Variants in FAT4 observed in about 807,000 individuals in gnomAD.
FAT4 encodes the protein protocadherin Fat 4.
Under a neutral mutation model 303.9 loss-of-function variants are expected in FAT4, and 84 were observed. That is an observed-to-expected ratio of 0.28 (90% CI 0.23 to 0.33). FAT4 has a LOEUF of 0.33. Ranked by LOEUF, FAT4 falls within the 10% of genes least tolerant of loss-of-function variation. The pLI, the probability that FAT4 is intolerant of heterozygous loss-of-function variation, is 1.00. For missense variants in FAT4, 6,005 were observed against 6,146.8 expected (o/e 0.98, Z 0.77); for synonymous variants, 2,307 against 2,298.8 (o/e 1.00, Z -0.10).
chr4:125,317,560 G>C lies in FAT4; in HGVS notation c.1149G>C (p.Thr383=). Residue 383 remains threonine, a synonymous_variant, in exon 2 of 18, where the codon ACG becomes ACC. Transcript: ENST00000394329. The surrounding 1 kb of genome is among the most constrained non-coding windows in gnomAD (Gnocchi z 7.0). ...VGTVVALLTV[T]DADSPAANGN... ...CCGTGGTGGCTCTGCTCACCGTGAC[G>C]GACGCAGATTCTCCCGCGGCCAACG... The C allele has an allele frequency of 6.2e-7, 1 of 1,613,882 alleles. No individual in the cohort carries two copies.
chr4:125,393,391 A>G (rs1301841955), intron 2 of FAT4, among the ~76,000 whole-genome samples: 1 of 152,152 alleles, frequency 6.6e-6, no homozygotes, highest in African/African-American at 2.4e-5. Flanking sequence ...ATAATCTTCT[A>G]CTTTCATAAT....
chr4:125,325,129 C>T (rs1439909285), intron 2 of FAT4, among the ~76,000 whole-genome samples: 1 of 152,088 alleles, frequency 6.6e-6, no homozygotes, highest in Admixed American at 6.6e-5. Context: ...CATCAGAAGT[C>T]CACAGTGGCA....
chr4:125,415,415 A>G lies in FAT4; in HGVS notation c.6452A>G (p.Asn2151Ser). ...ATGGTACTTGACATCAATGATAACAACCCCATCTTTGCACAAGCTTTGTAT... is the reference window on the plus strand; with the variant it reads ...ATGGTACTTGACATCAATGATAACAGCCCCATCTTTGCACAAGCTTTGTAT... Reference protein sequence around the residue: ...VVMVLDINDNNPIFAQALYKV... With the variant: ...VVMVLDINDNSPIFAQALYKV... The change falls in exon 6 of 18, where the codon AAC becomes AGC. Residue 2151 changes from asparagine (N) to serine (S), a missense_variant. Coordinates refer to ENST00000394329, the MANE Select transcript of FAT4 (RefSeq NM_001291303.3). The G allele has an allele frequency of 6.2e-7, 1 of 1,614,010 alleles. No individual in the cohort carries two copies. Among genetic ancestry groups the G allele is most frequent in the Non-Finnish European group, 8.5e-7 (1 of 1,179,990 alleles).
At position 125,415,118 on chromosome 4, in the gene FAT4, T is replaced by C. The variant is rs755741406; in HGVS notation, c.6155T>C (p.Leu2052Pro). The C allele has an allele frequency of 3.1e-6, 5 of 1,613,970 alleles. No homozygotes were observed. Residue 2052 changes from leucine to proline, a missense_variant, in exon 6 of 18, where the codon CTT becomes CCT. Transcript: ENST00000394329. ...GTAAATGATAACCCACCGACATTTCTTTCCCCTAAATTGACATACATTCCA... is the reference window on the plus strand; with the variant it reads ...GTAAATGATAACCCACCGACATTTCCTTCCCCTAAATTGACATACATTCCA... Reference protein sequence around the residue: ...LDVNDNPPTFLSPKLTYIPEN... With the variant: ...LDVNDNPPTFPSPKLTYIPEN...
At chr4:125,474,201 A>C (rs1726954190) in intron 12 of FAT4, among the ~76,000 whole-genome samples, 2 of 152,036 alleles carry the variant, frequency 1.3e-5, no homozygotes, top group African/African-American at 4.8e-5. Context: ...CAATGACTAA[A>C]ATATAATTAT....
chr4:125,463,465 A>G (rs773054030), intron 10 of FAT4, 98 bp from the exon 11 acceptor site: 31 of 555,600 alleles, frequency 5.6e-5, no homozygotes, highest in Non-Finnish European at 8.7e-5. Context: ...TTTCTCCGTG[A>G]TATGCCTTAG....
Position 125,317,634 on chromosome 4 carries a change from A to G in FAT4, c.1223A>G (p.Glu408Gly), listed in dbSNP as rs762315239. 2 of 1,614,028 alleles carry G rather than the reference A, an allele frequency of 1.2e-6. No individual in the cohort carries two copies. Among genetic ancestry groups the G allele is most frequent in the South Asian group, 1.1e-5 (1 of 91,040 alleles). ...ILGGNEQRHF[E>G]VQSSKVPNLS... ...GGGGGCAATGAGCAGCGCCACTTTG[A>G]AGTGCAAAGCAGCAAAGTGCCGAAC... Residue 408 changes from glutamate to glycine, a missense_variant, in exon 2 of 18, where the codon GAA becomes GGA. By Grantham distance (98) the Glu-to-Gly change is moderately conservative. Coordinates refer to ENST00000394329, the MANE Select transcript of FAT4 (RefSeq NM_001291303.3). This position sits in a 1 kb window ranked among gnomAD's most constrained non-coding sequence, Gnocchi z 7.0.
chr4:125,330,744 G>T (rs555095759), intron 2 of FAT4, among the ~76,000 whole-genome samples: 2 of 152,264 alleles, frequency 1.3e-5, no homozygotes, highest in African/African-American at 4.8e-5. Flanking sequence ...CTTTGTCCTT[G>T]TCCCCTTCAG....
chr4:125,373,934 T>C (rs960027354), intron 2 of FAT4, among the ~76,000 whole-genome samples: 1 of 152,232 alleles, frequency 6.6e-6, no homozygotes, highest in Non-Finnish European at 1.5e-5. Flanking sequence ...AAGGACTATG[T>C]ATATATGATT....
chr4:125,451,163 G>A lies in FAT4; in HGVS notation c.10153G>A (p.Gly3385Ser). ...VLAKNFGSIRGADIDEVTVNV... is the reference protein window; with the variant it reads ...VLAKNFGSIRSADIDEVTVNV... ...GGCCAAGAACTTTGGCAGCATTAGAGGTGCAGATATAGATGAGGTCACTGT... is the reference window on the plus strand; with the variant it reads ...GGCCAAGAACTTTGGCAGCATTAGAAGTGCAGATATAGATGAGGTCACTGT... The change falls in exon 10 of 18, where the codon GGT becomes AGT. Residue 3385 changes from glycine (G) to serine (S), a missense_variant. Transcript: ENST00000394329. 8 of 1,614,108 alleles carry A rather than the reference G, an allele frequency of 5.0e-6. No individual in the cohort carries two copies. The highest frequency in any genetic ancestry group is 6.8e-6 in the Non-Finnish European group (8 of 1,179,998).
intron 10 of FAT4, among the ~76,000 whole-genome samples, chr4:125,461,269 C>T (rs12500030): frequency 0.25 from 38,526 of 151,736 alleles, 5,903 homozygotes; most frequent in East Asian, 0.58. Flanking sequence ...AAGAACAACA[C>T]GTAAATTTCA....
intron 2 of FAT4, among the ~76,000 whole-genome samples, chr4:125,322,572 C>A (rs1171476603): frequency 6.6e-6 from 1 of 152,062 alleles, no homozygotes; most frequent in Non-Finnish European, 1.5e-5. Context: ...TGTCAGTCAG[C>A]CAAAAACACA....
intron 2 of FAT4, among the ~76,000 whole-genome samples, chr4:125,370,468 G>A (rs1470078319): frequency 1.3e-5 from 2 of 152,116 alleles, no homozygotes; most frequent in Admixed American, 6.5e-5. Context: ...ATGAGATGCT[G>A]TTGAAGAATA....
intron 13 of FAT4, 119 bp from the exon 14 acceptor site, chr4:125,477,036 A>T: frequency 1.4e-6 from 1 of 739,320 alleles, no homozygotes; most frequent in Non-Finnish European, 1.9e-6. Flanking sequence ...TTCCATTGAA[A>T]TTTATCACAC....
intron 8 of FAT4, among the ~76,000 whole-genome samples, chr4:125,444,093 T>A (rs765174242): frequency 1.3e-5 from 2 of 152,156 alleles, no homozygotes; most frequent in Non-Finnish European, 2.9e-5. Flanking sequence ...TAGACAGTCA[T>A]ACGGGCAATA....
chr4:125,446,388 A>G lies in FAT4; in HGVS notation c.7295A>G (p.Asn2432Ser), dbSNP rs1276685535. ...TTGTTAGATAGGGAAACAAAAGATA[A>G]TTATACTTTGGTAGTGGTCTGCAGT... ...SALLDRETKDNYTLVVVCSDA... is the reference protein window; with the variant it reads ...SALLDRETKDSYTLVVVCSDA... Residue 2432 changes from asparagine (N) to serine (S), a missense_variant, in exon 9 of 18, where the codon AAT becomes AGT. Transcript: ENST00000394329. The G allele has an allele frequency of 1.9e-6, 3 of 1,613,554 alleles. No individual in the cohort carries two copies. The highest frequency in any genetic ancestry group is 2.2e-5 in the East Asian group (1 of 44,882).
At chr4:125,424,343 G>A (rs951942748) in intron 7 of FAT4, among the ~76,000 whole-genome samples, 1 of 151,966 alleles carries the variant, frequency 6.6e-6, no homozygotes, top group African/African-American at 2.4e-5. Flanking sequence ...GTTCTATAAG[G>A]GCTTCACCCC....
At chr4:125,433,254 A>C (rs957957929) in intron 7 of FAT4, among the ~76,000 whole-genome samples, 2 of 152,228 alleles carry the variant, frequency 1.3e-5, no homozygotes, top group Non-Finnish European at 2.9e-5. Context: ...ATTGAATGGT[A>C]AAGTTAAGTA....
chr4:125,323,303 A>G (rs1731026897), intron 2 of FAT4, among the ~76,000 whole-genome samples: 1 of 152,212 alleles, frequency 6.6e-6, no homozygotes, highest in Admixed American at 6.5e-5. Flanking sequence ...CCCATTAGCT[A>G]TGCAAAGATT....
Sources: allele counts gnomAD v4.1 joint callset (sites outside exome capture counted in the v4.1 genomes callset), GRCh38; gene constraint gnomAD v4.1.1; non-coding constraint Gnocchi (gnomAD v3.1); transcripts MANE v1.5; gene names NCBI Gene and HGNC (gene_info 2026-07-23, HGNC 2026-07-21).